Variants in MDGA2 observed in about 807,000 individuals in gnomAD.
MDGA2 encodes MAM domain-containing glycosylphosphatidylinositol anchor protein 2.
In MDGA2, 40 loss-of-function variants were observed where a neutral mutation model predicts 117.8. The ratio of observed to expected loss-of-function variants is 0.34; its 90% confidence interval spans 0.26 to 0.44. MDGA2 has a LOEUF of 0.44. Ranked by LOEUF, MDGA2 falls within the 20% of genes least tolerant of loss-of-function variation. MDGA2 has a pLI of 1.00. For missense variants in MDGA2, 1,123 were observed against 1,250.6 expected, an observed-to-expected ratio of 0.90 and a Z score of 1.54; for synonymous variants, 452 against 439.0, an observed-to-expected ratio of 1.03 and a Z score of -0.37.
At chr14:47,407,011 G>A (rs964903659) in intron 1 of MDGA2, among the ~76,000 whole-genome samples, 1 of 151,214 alleles carries the variant, frequency 6.6e-6, no homozygotes, top group South Asian at 2.1e-4. Context: ...TTTCCTAAAA[G>A]GTATTGTATT....
intron 5 of MDGA2, among the ~76,000 whole-genome samples, chr14:47,130,173 T>C (rs2139145094): frequency 6.6e-6 from 1 of 152,228 alleles, no homozygotes; most frequent in South Asian, 2.1e-4. Flanking sequence ...TGCCCATGCC[T>C]ATGTCCTGAA....
chr14:47,060,814 A>G (rs966561056), intron 7 of MDGA2, among the ~76,000 whole-genome samples: 2 of 151,938 alleles, frequency 1.3e-5, no homozygotes, highest in African/African-American at 2.4e-5. Flanking sequence ...TTTCTTACAT[A>G]TTTTGCATTT....
At chr14:47,422,673 C>T (rs972728638) in intron 1 of MDGA2, among the ~76,000 whole-genome samples, 5 of 151,992 alleles carry the variant, frequency 3.3e-5, no homozygotes, top group African/African-American at 7.3e-5. Flanking sequence ...CTTTCCTATT[C>T]GTAGGTATCG....
chr14:47,633,244 G>T (rs1490172760), intron 1 of MDGA2, among the ~76,000 whole-genome samples: 3 of 151,998 alleles, frequency 2.0e-5, no homozygotes, highest in Admixed American at 1.3e-4. Flanking sequence ...TTAAGGGTCA[G>T]GACTATGCCC....
chr14:47,316,515 A>G (rs965072755), intron 1 of MDGA2, among the ~76,000 whole-genome samples: 2 of 152,108 alleles, frequency 1.3e-5, no homozygotes, highest in Non-Finnish European at 2.9e-5. Context: ...AAAAATAAAC[A>G]TGGAAAATAA....
intron 8 of MDGA2, among the ~76,000 whole-genome samples, chr14:47,000,100 A>G (rs182794840): frequency 1.8e-4 from 27 of 151,696 alleles, no homozygotes; most frequent in Non-Finnish European, 8.8e-5. Flanking sequence ...ATAAAAATAA[A>G]AATATTATAG....
At chr14:47,192,016 A>G (rs1385457676) in intron 3 of MDGA2, among the ~76,000 whole-genome samples, 2 of 152,176 alleles carry the variant, frequency 1.3e-5, no homozygotes, top group African/African-American at 4.8e-5. Context: ...CACCCCAGCC[A>G]AGCAATTAAT....
chr14:47,460,119 T>G (rs1893451705), intron 1 of MDGA2, among the ~76,000 whole-genome samples: 1 of 152,184 alleles, frequency 6.6e-6, no homozygotes, highest in South Asian at 2.1e-4. Flanking sequence ...TTCTTCATTC[T>G]CAGTCATCAT....
chr14:47,042,650 T>C lies in MDGA2; in HGVS notation c.1526-7346A>G, dbSNP rs78326463. Among the ~76,000 whole-genome samples the C allele has an allele frequency of 6.7e-3, 1,014 of 152,186 alleles. 10 individuals are homozygous for C. The highest frequency in any genetic ancestry group is 0.028 in the South Asian group (133 of 4,832). ...TGAGAAGTCACAAAGTAGTTTTACA[T>C]AGAAGCAAAGAACTAAATAATTTGC... is the stretch of plus-strand genomic sequence containing the variant. On this transcript the variant is annotated intron_variant, in intron 7 of 16. Transcript: ENST00000399232.
rs1332976911 is a variant in MDGA2 at position 46,873,425 on chromosome 14, T to C, written c.2752+8A>G. 1.3e-6 allele frequency: 2 copies of C among 1,581,132 alleles called. No homozygotes were observed. The highest frequency in any genetic ancestry group is 1.4e-5 in the African/African-American group (1 of 73,630). On this transcript the variant is annotated splice_region_variant and intron_variant, in intron 14 of 16. Transcript: ENST00000399232. ...TTTTGTAAGAATCAGTAATTATTGC[T>C]ATCTCACCTATATGTTGTCCATACA...
chr14:46,922,700 C>G (rs1467448150), intron 9 of MDGA2, among the ~76,000 whole-genome samples: 1 of 152,120 alleles, frequency 6.6e-6, no homozygotes, highest in African/African-American at 2.4e-5. Context: ...TTTAAAGAGG[C>G]TGAAATTTCT....
chr14:47,388,230 T>C (rs1315150191), intron 1 of MDGA2, among the ~76,000 whole-genome samples: 1 of 152,172 alleles, frequency 6.6e-6, no homozygotes, highest in Non-Finnish European at 1.5e-5. Context: ...CAGTAAGAAA[T>C]AACGGTATAA....
chr14:47,361,277 G>A (rs182835143), intron 1 of MDGA2, among the ~76,000 whole-genome samples: 42 of 150,424 alleles, frequency 2.8e-4, no homozygotes, highest in African/African-American at 9.5e-4. Context: ...GCTTGTGTGC[G>A]CAGAGGTACA....
chr14:47,393,307 C>A (rs1376475800), intron 1 of MDGA2, among the ~76,000 whole-genome samples: 1 of 151,564 alleles, frequency 6.6e-6, no homozygotes, highest in Non-Finnish European at 1.5e-5. Context: ...AAACATACTG[C>A]TTTATATTAA....
chr14:47,194,695 T>C (rs1885226524), intron 3 of MDGA2, among the ~76,000 whole-genome samples: 1 of 152,094 alleles, frequency 6.6e-6, no homozygotes, highest in African/African-American at 2.4e-5. Context: ...CACAGAGATA[T>C]GATGCTTTAA....
intron 2 of MDGA2, among the ~76,000 whole-genome samples, chr14:47,274,667 G>A (rs1377084677): frequency 6.6e-6 from 1 of 152,032 alleles, no homozygotes; most frequent in African/African-American, 2.4e-5. Context: ...TCTTCAAGGT[G>A]GCTGCATCAT....
intron 1 of MDGA2, among the ~76,000 whole-genome samples, chr14:47,499,833 C>T (rs188514830): frequency 2.6e-5 from 4 of 152,084 alleles, no homozygotes. Context: ...CATTTTCAAT[C>T]GGATCTAATT....
intron 1 of MDGA2, among the ~76,000 whole-genome samples, chr14:47,491,406 C>T (rs534897430): frequency 2.0e-5 from 3 of 152,076 alleles, no homozygotes; most frequent in South Asian, 4.2e-4. Flanking sequence ...GAATAAGGGG[C>T]GTGTTGAACT....
At chr14:47,016,250 T>C (rs985296616) in intron 8 of MDGA2, among the ~76,000 whole-genome samples, 1 of 152,102 alleles carries the variant, frequency 6.6e-6, no homozygotes, top group African/African-American at 2.4e-5. Flanking sequence ...TAGGTATGCA[T>C]TCTTCATAGG....
Sources: allele counts gnomAD v4.1 joint callset (sites outside exome capture counted in the v4.1 genomes callset), GRCh38; gene constraint gnomAD v4.1.1; transcripts MANE v1.5; gene names NCBI Gene and HGNC (gene_info 2026-07-23, HGNC 2026-07-21).